The following NTM variants were observed in gnomAD, a reference collection of about 807,000 sequenced individuals.
The protein encoded by NTM is IgLON family member 2.
In NTM, 13 loss-of-function variants were observed where a neutral mutation model predicts 42.1. The observed-to-expected ratio is 0.31, with a 90% CI of 0.20 to 0.49. The LOEUF (loss-of-function observed/expected upper bound fraction) is 0.49. Ranked by LOEUF, NTM falls within the 20% of genes least tolerant of loss-of-function variation. The probability of loss-of-function intolerance (pLI) is 0.99; values close to 1 mark genes in which losing one functional copy is unlikely to be tolerated. For synonymous variants in NTM, 187 were observed against 179.2 expected (o/e 1.04, Z -0.35); for missense variants, 373 against 452.8 (o/e 0.82, Z 1.60).
intron 1 of NTM, among the ~76,000 whole-genome samples, chr11:131,904,055 T>C (rs936268422): frequency 5.9e-5 from 9 of 152,204 alleles, no homozygotes; most frequent in African/African-American, 2.2e-4. Flanking sequence ...TCTTCTGGTT[T>C]ACAAAATATA....
intron 1 of NTM, among the ~76,000 whole-genome samples, chr11:131,523,782 C>CAAAAAAAAAAAAAAAAAAAAAAAA (rs3040114): frequency 1.4e-5 from 1 of 72,198 alleles, no homozygotes; most frequent in African/African-American, 5.1e-5. Context: ...GACTCCATCT[C>CAAAAAAAAAAAAAAAAAAAAAAAA]AAAAAAAAAA....
At chr11:132,268,747 A>G (rs555951356) in intron 4 of NTM, among the ~76,000 whole-genome samples, 3 of 152,082 alleles carry the variant, frequency 2.0e-5, no homozygotes, top group African/African-American at 7.2e-5. Flanking sequence ...ATTTTTAAAG[A>G]TAGGTCTGAG....
At chr11:132,173,901 C>G (rs953959659) in intron 3 of NTM, among the ~76,000 whole-genome samples, 1 of 152,184 alleles carries the variant, frequency 6.6e-6, no homozygotes, top group African/African-American at 2.4e-5. Flanking sequence ...TGGACTGTCT[C>G]CAGCCTCCCA....
intron 2 of NTM, among the ~76,000 whole-genome samples, chr11:132,118,042 G>A (rs938209373): frequency 1.3e-5 from 2 of 152,188 alleles, no homozygotes; most frequent in Non-Finnish European, 2.9e-5. Flanking sequence ...CTGCCTCCAT[G>A]TCATAGTAGA....
rs550750313 is a variant in NTM, at chr11:131,407,512, G to A, written c.82+36624G>A. On this transcript the variant is annotated intron_variant, in intron 1 of 8. Coordinates refer to ENST00000683400, the MANE Select transcript of NTM (RefSeq NM_001352005.2). ...AGAACATATGTGGGAAACATTCCTC[G>A]GACCCAGGGGTGGGACAGGTCAGCC... 9.9e-5 allele frequency among the ~76,000 whole-genome samples: 15 copies of A among 152,276 alleles called. No individual in the cohort carries two copies. In the South Asian group the frequency reaches 1.5e-3, roughly 15 times the overall value.
intron 2 of NTM, among the ~76,000 whole-genome samples, chr11:132,141,267 T>G (rs1466245105): frequency 2.0e-5 from 3 of 151,478 alleles, no homozygotes; most frequent in Non-Finnish European, 4.4e-5. Context: ...CTCTCCCCCC[T>G]ACCCCTCTCT....
intron 1 of NTM, among the ~76,000 whole-genome samples, chr11:131,586,670 A>T (rs919499940): frequency 1.3e-5 from 2 of 152,172 alleles, no homozygotes; most frequent in Non-Finnish European, 2.9e-5. Context: ...GTGAGATAAT[A>T]ACAGTTTGTT....
At chr11:131,706,335 A>G (rs2076587356) in intron 1 of NTM, among the ~76,000 whole-genome samples, 1 of 152,060 alleles carries the variant, frequency 6.6e-6, no homozygotes, top group African/African-American at 2.4e-5. Context: ...CTAGATACAT[A>G]AACATTAACA....
chr11:131,794,966 C>G (rs551163789), intron 1 of NTM: 1 of 985,338 alleles, frequency 1.0e-6, no homozygotes, highest in East Asian at 1.1e-4. Flanking sequence ...CAGTGCCTCT[C>G]CTCACTGGAG....
At chr11:132,203,080 C>T (rs536434704) in intron 3 of NTM, among the ~76,000 whole-genome samples, 1 of 152,292 alleles carries the variant, frequency 6.6e-6, no homozygotes, top group Non-Finnish European at 1.5e-5. Context: ...ATGATGGCAG[C>T]AAGCGCATTG....
chr11:131,942,894 C>T (rs768585911), intron 2 of NTM, among the ~76,000 whole-genome samples: 5 of 150,426 alleles, frequency 3.3e-5, no homozygotes, highest in African/African-American at 9.8e-5. Flanking sequence ...TGTGGTGGGC[C>T]GAGATCTGGC....
chr11:131,496,010 G>A (rs1009323551), intron 1 of NTM, among the ~76,000 whole-genome samples: 1 of 152,156 alleles, frequency 6.6e-6, no homozygotes, highest in Non-Finnish European at 1.5e-5. Context: ...TGAGATGTTT[G>A]GCTAAATTCA....
intron 1 of NTM, among the ~76,000 whole-genome samples, chr11:131,460,133 C>A (rs1271134887): frequency 6.6e-6 from 1 of 152,144 alleles, no homozygotes; most frequent in East Asian, 1.9e-4. Flanking sequence ...TTATTTCCAG[C>A]ATTATAAGCA....
At chr11:131,860,817 C>T (rs1039337992) in intron 1 of NTM, among the ~76,000 whole-genome samples, 1 of 152,174 alleles carries the variant, frequency 6.6e-6, no homozygotes, top group Admixed American at 6.5e-5. Flanking sequence ...CTGATTTGCA[C>T]AACCTTCATG....
chr11:132,044,080 T>G (rs367585014), intron 2 of NTM, among the ~76,000 whole-genome samples: 21 of 42,404 alleles, frequency 5.0e-4, no homozygotes, highest in Admixed American at 1.0e-3. Flanking sequence ...GTGTATGTGT[T>G]TGTGTGTATG....
chr11:131,532,647 G>T (rs953309191), intron 1 of NTM, among the ~76,000 whole-genome samples: 1 of 152,240 alleles, frequency 6.6e-6, no homozygotes, highest in African/African-American at 2.4e-5. Flanking sequence ...CTGCTAAGCT[G>T]TCTTCCACAG....
intron 4 of NTM, among the ~76,000 whole-genome samples, chr11:132,303,271 A>T (rs1591854280): frequency 1.3e-5 from 2 of 152,332 alleles, no homozygotes; most frequent in South Asian, 4.1e-4. Context: ...TAGAAGTCAA[A>T]ATCAAGTGAT....
chr11:132,233,300 A>C (rs553690321), intron 4 of NTM, among the ~76,000 whole-genome samples: 1 of 152,182 alleles, frequency 6.6e-6, no homozygotes, highest in Non-Finnish European at 1.5e-5. Flanking sequence ...CACACCTGTA[A>C]TTCTAGCTAC....
At position 131,784,745 on chromosome 11, in the gene NTM, C is replaced by T. The variant is rs550122110; in HGVS notation, c.83-126819C>T. 6.0e-4 allele frequency among the ~76,000 whole-genome samples: 91 copies of T among 152,254 alleles called. 1 individual carries two copies. The South Asian group carries it at 0.018, about 29-fold the overall frequency. ...TTTCAAACTGCACACTTTAAGTGGT[C>T]GCATTTTATCACGTGCAAAATACAC... On this transcript the variant is annotated intron_variant, in intron 1 of 8. Coordinates refer to ENST00000683400, the MANE Select transcript of NTM (RefSeq NM_001352005.2).
Sources: allele counts gnomAD v4.1 joint callset (sites outside exome capture counted in the v4.1 genomes callset), GRCh38; gene constraint gnomAD v4.1.1; transcripts MANE v1.5; gene names NCBI Gene and HGNC (gene_info 2026-07-23, HGNC 2026-07-21).